The following HS6ST3 variants were observed in gnomAD, a reference collection of about 807,000 sequenced individuals.
HS6ST3 encodes heparan-sulfate 6-O-sulfotransferase 3.
HS6ST3 carries 12 observed loss-of-function variants against 36.7 expected under a neutral mutation model. That is an observed-to-expected ratio of 0.33 (90% CI 0.21 to 0.53). HS6ST3 has a LOEUF of 0.53. Among genes scored for constraint, HS6ST3 ranks in the 20% least tolerant of loss-of-function variants. The probability of loss-of-function intolerance (pLI) is 0.95; values close to 1 mark genes in which losing one functional copy is unlikely to be tolerated. For synonymous variants in HS6ST3, 240 were observed against 257.5 expected (o/e 0.93, Z 0.65); for missense variants, 584 against 640.9 (o/e 0.91, Z 0.96).
At chr13:96,703,836 T>C (rs904234994) in intron 1 of HS6ST3, among the ~76,000 whole-genome samples, 3 of 152,176 alleles carry the variant, frequency 2.0e-5, no homozygotes, top group African/African-American at 7.2e-5. Flanking sequence ...AATTGGATCA[T>C]GGGGGCAGTT....
chr13:96,245,639 G>A (rs1249892739), intron 1 of HS6ST3, among the ~76,000 whole-genome samples: 1 of 152,028 alleles, frequency 6.6e-6, no homozygotes, highest in Admixed American at 6.6e-5. Flanking sequence ...TGCCTTTAGA[G>A]CCATTTCTTT....
At chr13:96,440,434 A>G (rs1347831469) in intron 1 of HS6ST3, among the ~76,000 whole-genome samples, 1 of 135,258 alleles carries the variant, frequency 7.4e-6, no homozygotes, top group Non-Finnish European at 1.6e-5. Flanking sequence ...TGACCGAGAG[A>G]GATTCTGTGA....
At chr13:96,802,521 A>T (rs1878101958) in intron 1 of HS6ST3, among the ~76,000 whole-genome samples, 1 of 152,156 alleles carries the variant, frequency 6.6e-6, no homozygotes, top group Admixed American at 6.5e-5. Flanking sequence ...AGCCTTAAAC[A>T]TGCATCCTGT....
intron 1 of HS6ST3, among the ~76,000 whole-genome samples, chr13:96,717,876 C>T (rs555244660): frequency 6.6e-6 from 1 of 152,264 alleles, no homozygotes; most frequent in Non-Finnish European, 1.5e-5. Context: ...ATTTTTAATG[C>T]ATCACTTGTC....
chr13:96,160,772 C>T (rs556814992), intron 1 of HS6ST3, among the ~76,000 whole-genome samples: 6 of 152,270 alleles, frequency 3.9e-5, no homozygotes, highest in Admixed American at 1.3e-4. Context: ...AGAGGGTGTA[C>T]AATCTGATGG....
intron 1 of HS6ST3, among the ~76,000 whole-genome samples, chr13:96,597,459 A>G (rs901552723): frequency 6.6e-6 from 1 of 151,734 alleles, no homozygotes; most frequent in Non-Finnish European, 1.5e-5. Flanking sequence ...ATTTTTTGCC[A>G]TTTGTATAAT....
intron 1 of HS6ST3, among the ~76,000 whole-genome samples, chr13:96,314,729 A>C (rs2054959608): frequency 6.6e-6 from 1 of 152,200 alleles, no homozygotes; most frequent in African/African-American, 2.4e-5. Flanking sequence ...GTATAAGAAC[A>C]AGTAAAACTA....
rs147390917 is a variant in HS6ST3 at position 96,837,458 on chromosome 13, G to C, written c.*4260G>C. On this transcript the variant is annotated 3_prime_UTR_variant, in exon 2 of 2. Transcript: ENST00000376705. ...AATTTATGAGCAAGAAAGTTGCTTA[G>C]AGCCCCAGCCTTTTGACTTCATAGT... The C allele has an allele frequency of 2.9e-4, 44 of 152,294 alleles. No homozygotes were observed. The highest frequency in any genetic ancestry group is 1.0e-3 in the African/African-American group (42 of 41,562). The allele number at this position is 152,294 out of a possible 1,614,324, so 9.4% of individuals were successfully genotyped here. A position where few individuals can be genotyped will look rare whatever the true frequency, so the allele number is the denominator to read the frequency against.
intron 1 of HS6ST3, among the ~76,000 whole-genome samples, chr13:96,093,883 A>G (rs1012681827): frequency 2.0e-5 from 3 of 152,200 alleles, no homozygotes; most frequent in African/African-American, 7.2e-5. Flanking sequence ...GTACCTTTTC[A>G]CAATGCAAAA....
At chr13:96,211,312 A>G (rs894838330) in intron 1 of HS6ST3, among the ~76,000 whole-genome samples, 1 of 152,110 alleles carries the variant, frequency 6.6e-6, no homozygotes, top group African/African-American at 2.4e-5. Context: ...TAGAAACCTG[A>G]CCACTGTTCA....
At chr13:96,636,275 A>G (rs113232429) in intron 1 of HS6ST3, among the ~76,000 whole-genome samples, 1 of 152,210 alleles carries the variant, frequency 6.6e-6, no homozygotes, top group African/African-American at 2.4e-5. Context: ...AATAGCAAAC[A>G]GGCTCACATT....
At chr13:96,792,692 G>A (rs1877820041) in intron 1 of HS6ST3, among the ~76,000 whole-genome samples, 1 of 151,912 alleles carries the variant, frequency 6.6e-6, no homozygotes. Context: ...TTGACCTTGA[G>A]GATAAAATAT....
chr13:96,828,272 G>A (rs1054063495), intron 1 of HS6ST3, among the ~76,000 whole-genome samples: 1 of 152,182 alleles, frequency 6.6e-6, no homozygotes, highest in Admixed American at 6.5e-5. Context: ...GGCTTACCTA[G>A]TGGTAAGGCT....
At chr13:96,091,666 G>A (rs899219461) in intron 1 of HS6ST3, 97 bp downstream of exon 1, 15 of 1,409,406 alleles carry the variant, frequency 1.1e-5, no homozygotes, top group Non-Finnish European at 1.4e-5. Context: ...TGCCCCTGCC[G>A]ATGGTTTCCT....
At chr13:96,338,259 T>G (rs192158089) in intron 1 of HS6ST3, among the ~76,000 whole-genome samples, 8 of 152,234 alleles carry the variant, frequency 5.3e-5, no homozygotes, top group Admixed American at 4.6e-4. Context: ...TGAGCCACGT[T>G]GCTAAGATCA....
intron 1 of HS6ST3, among the ~76,000 whole-genome samples, chr13:96,260,658 T>A (rs1477681076): frequency 1.4e-5 from 2 of 144,050 alleles, no homozygotes; most frequent in African/African-American, 5.2e-5. Context: ...TTTTTTTTTT[T>A]AGATAGAGTC....
At chr13:96,505,379 A>G (rs1001995674) in intron 1 of HS6ST3, among the ~76,000 whole-genome samples, 1 of 152,156 alleles carries the variant, frequency 6.6e-6, no homozygotes, top group African/African-American at 2.4e-5. Context: ...TTTTAGGTGG[A>G]GGAGCTTGCC....
intron 1 of HS6ST3, among the ~76,000 whole-genome samples, chr13:96,437,888 G>T (rs1332709500): frequency 6.6e-6 from 1 of 152,142 alleles, no homozygotes; most frequent in African/African-American, 2.4e-5. Flanking sequence ...TATGAGGATT[G>T]GTCTCTTTTC....
chr13:96,094,036 A>G (rs1274297223), intron 1 of HS6ST3, among the ~76,000 whole-genome samples: 1 of 152,074 alleles, frequency 6.6e-6, no homozygotes, highest in African/African-American at 2.4e-5. Flanking sequence ...CCTCCTCCCA[A>G]TTTCACTCAG....
Sources: allele counts gnomAD v4.1 joint callset (sites outside exome capture counted in the v4.1 genomes callset), GRCh38; gene constraint gnomAD v4.1.1; transcripts MANE v1.5; gene names NCBI Gene and HGNC (gene_info 2026-07-23, HGNC 2026-07-21).